The following XKR9 variants were observed in gnomAD, a reference collection of about 807,000 sequenced individuals.
The protein encoded by XKR9 is XK related 9.
A neutral mutation model predicts 32.0 loss-of-function variants in XKR9; 32 were observed. The observed-to-expected ratio is 1.00, with a 90% CI of 0.76 to 1.34. The LOEUF is 1.34. Among genes scored for constraint, XKR9 ranks in the 40% most tolerant of loss-of-function variants. XKR9 has a pLI of 0.00. For synonymous variants in XKR9, 168 were observed against 143.4 expected (o/e 1.17, Z -1.22); for missense variants, 546 against 429.7 (o/e 1.27, Z -2.39).
chr8:71,027,149 G>T, the XKR9 span, among the ~76,000 whole-genome samples: 3 of 151,756 alleles, frequency 2.0e-5, no homozygotes, highest in Non-Finnish European at 2.9e-5. Context: ...AAATCTGTAA[G>T]CATTTTTTTC....
the XKR9 span, among the ~76,000 whole-genome samples, chr8:70,887,089 T>A: frequency 2.4e-4 from 36 of 152,312 alleles, 1 homozygote; most frequent in African/African-American, 8.4e-4. Context: ...CATCTTGAGT[T>A]AATTTTTGTG....
At chr8:70,968,126 G>A in the XKR9 span, among the ~76,000 whole-genome samples, 1 of 152,064 alleles carries the variant, frequency 6.6e-6, no homozygotes, top group Non-Finnish European at 1.5e-5. Flanking sequence ...TGGAAATTTT[G>A]TTTGTTTCTT....
At chr8:70,959,363 G>C in the XKR9 span, among the ~76,000 whole-genome samples, 1 of 152,012 alleles carries the variant, frequency 6.6e-6, no homozygotes, top group Admixed American at 6.5e-5. Flanking sequence ...TCATATCTGG[G>C]AGCTTGTTCT....
the XKR9 span, among the ~76,000 whole-genome samples, chr8:70,939,128 A>G: frequency 2.0e-5 from 3 of 152,060 alleles, no homozygotes; most frequent in African/African-American, 7.2e-5. Context: ...CTGCTCCTTC[A>G]AGCTTTTATT....
chr8:70,761,510 G>A (rs1423601221), intron 2 of XKR9, among the ~76,000 whole-genome samples: 1 of 152,034 alleles, frequency 6.6e-6, no homozygotes, highest in Non-Finnish European at 1.5e-5. Context: ...GTCTTCTTTT[G>A]AGAAGTGTCT....
chr8:71,003,755 T>C, the XKR9 span, among the ~76,000 whole-genome samples: 1 of 152,230 alleles, frequency 6.6e-6, no homozygotes, highest in East Asian at 1.9e-4. Flanking sequence ...CCACTTTACA[T>C]AAAGCACATG....
chr8:70,736,871 C>T (rs550923358), downstream of XKR9, among the ~76,000 whole-genome samples: 3 of 151,694 alleles, frequency 2.0e-5, no homozygotes, highest in South Asian at 6.3e-4. Context: ...GTTACTGTAG[C>T]CTTGTAGTAT....
chr8:70,852,932 A>G, the XKR9 span, among the ~76,000 whole-genome samples: 1 of 152,124 alleles, frequency 6.6e-6, no homozygotes, highest in South Asian at 2.1e-4. Flanking sequence ...GCAAACCACC[A>G]TGGCACATGT....
the XKR9 span, among the ~76,000 whole-genome samples, chr8:71,041,526 A>C: frequency 6.6e-6 from 1 of 152,148 alleles, no homozygotes; most frequent in African/African-American, 2.4e-5. Flanking sequence ...AAAATGATCG[A>C]ACTCATGCTG....
intron 2 of XKR9, among the ~76,000 whole-genome samples, chr8:70,772,042 T>A (rs1193858592): frequency 6.6e-6 from 1 of 152,238 alleles, no homozygotes; most frequent in Non-Finnish European, 1.5e-5. Flanking sequence ...AATACTTTTA[T>A]AGTTAAATTT....
chr8:70,702,890 A>T (rs998374356), intron 3 of XKR9, among the ~76,000 whole-genome samples: 11 of 152,164 alleles, frequency 7.2e-5, no homozygotes, highest in African/African-American at 2.7e-4. Context: ...TAATCCATTT[A>T]CATTTAGTGT....
chr8:71,048,583 T>C, the XKR9 span, among the ~76,000 whole-genome samples: 1 of 152,244 alleles, frequency 6.6e-6, no homozygotes, highest in Non-Finnish European at 1.5e-5. Flanking sequence ...AATATCTGGA[T>C]GTTAACTTTG....
At position 70,707,086 on chromosome 8, in the gene XKR9, A is replaced by T. The variant is rs185719587; in HGVS notation, c.426A>T (p.Glu142Asp). The change falls in exon 4 of 5, where the codon GAA (glutamate) becomes GAT (aspartate). Residue 142 changes from glutamate to aspartate, a missense_variant. Glu to Asp is a conservative substitution (Grantham distance 45, BLOSUM62 2). Coordinates refer to ENST00000408926, the MANE Select transcript of XKR9 (RefSeq NM_001011720.2). ...SMLRLFETYL[E>D]GCPQLILQLY... ...TCAGACTATTTGAGACCTACCTGGA[A>T]GGCTGCCCACAACTTATTCTTCAAC... The T allele has an allele frequency of 1.0e-4, 162 of 1,613,470 alleles. No homozygotes were observed. The Admixed American group carries it at 2.7e-3, about 27-fold the overall frequency.
intron 3 of XKR9, among the ~76,000 whole-genome samples, chr8:70,691,031 G>T (rs1819495933): frequency 1.1e-4 from 16 of 152,162 alleles, no homozygotes; most frequent in Admixed American, 1.0e-3. Context: ...GACACCAACA[G>T]TGTAAAAGGG....
chr8:70,778,164 C>T (rs1469950697), intron 2 of XKR9, among the ~76,000 whole-genome samples: 2 of 152,198 alleles, frequency 1.3e-5, no homozygotes, highest in Non-Finnish European at 2.9e-5. Flanking sequence ...TTTCAGCTTT[C>T]TACATATGGC....
At chr8:70,826,530 GA>G in the XKR9 span, among the ~76,000 whole-genome samples, 4 of 152,124 alleles carry the variant, frequency 2.6e-5, no homozygotes, top group African/African-American at 9.7e-5. Context: ...CAGAGGCATG[GA>G]AATTTGCCAT....
chr8:70,701,781 T>C (rs1407082731), intron 3 of XKR9, among the ~76,000 whole-genome samples: 1 of 152,174 alleles, frequency 6.6e-6, no homozygotes, highest in Non-Finnish European at 1.5e-5. Flanking sequence ...TGTGTGCCTC[T>C]TGCTACTATG....
intron 2 of XKR9, among the ~76,000 whole-genome samples, chr8:70,771,155 G>C (rs913713680): frequency 6.6e-6 from 1 of 152,134 alleles, no homozygotes; most frequent in African/African-American, 2.4e-5. Flanking sequence ...AGCTTCCCTT[G>C]GCTAGGGGAC....
chr8:70,890,976 T>C, the XKR9 span, among the ~76,000 whole-genome samples: 1 of 152,024 alleles, frequency 6.6e-6, no homozygotes, highest in Non-Finnish European at 1.5e-5. Context: ...TTCTTACTCA[T>C]AATTGTTCTG....
Sources: gnomAD v4.1 joint callset for allele counts (sites outside exome capture counted in the v4.1 genomes callset) on GRCh38, gnomAD v4.1.1 for gene constraint, MANE v1.5 for transcripts, NCBI Gene and HGNC (gene_info 2026-07-23, HGNC 2026-07-21) for gene names.